Variants in DLG2 observed in about 807,000 individuals in gnomAD.
DLG2 encodes discs large MAGUK scaffold protein 2.
In DLG2, 45 loss-of-function variants were observed where a neutral mutation model predicts 132.5. The ratio of observed to expected loss-of-function variants is 0.34; its 90% CI spans 0.27 to 0.44. The LOEUF is 0.44. Ranked by LOEUF, DLG2 falls within the 20% of genes least tolerant of loss-of-function variation. The pLI is 1.00. For missense variants in DLG2, 1,045 were observed against 1,196.9 expected (o/e 0.87, Z 1.87); for synonymous variants, 424 against 419.6 (o/e 1.01, Z -0.13).
intron 6 of DLG2, among the ~76,000 whole-genome samples, chr11:84,711,326 C>A: frequency 3.0e-5 from 3 of 99,190 alleles, no homozygotes; most frequent in African/African-American, 3.7e-5. Context: ...GAAACAGAAC[C>A]AGTAAGAGAG....
At chr11:85,320,592 T>G (rs1286431222) in intron 3 of DLG2, among the ~76,000 whole-genome samples, 1 of 151,250 alleles carries the variant, frequency 6.6e-6, no homozygotes, top group Non-Finnish European at 1.5e-5. Flanking sequence ...TAGTGACAAG[T>G]GCTCTGGAGA....
chr11:83,975,602 T>A (rs976042563), intron 12 of DLG2, among the ~76,000 whole-genome samples: 4 of 151,940 alleles, frequency 2.6e-5, no homozygotes, highest in Non-Finnish European at 4.4e-5. Context: ...ATGGAATTTT[T>A]AAAGTAGGAA....
At chr11:84,359,283 T>A (rs181439364) in intron 7 of DLG2, among the ~76,000 whole-genome samples, 214 of 151,986 alleles carry the variant, frequency 1.4e-3, no homozygotes, top group South Asian at 2.5e-3. Context: ...AATCTGTAAC[T>A]CCCTGGTTGT....
chr11:84,561,321 A>G (rs1213915137), intron 6 of DLG2, among the ~76,000 whole-genome samples: 1 of 152,114 alleles, frequency 6.6e-6, no homozygotes, highest in Non-Finnish European at 1.5e-5. Context: ...GATGCCATCA[A>G]GCCATAGCCT....
At chr11:83,720,834 G>A (rs2088328765) in intron 18 of DLG2, 1 of 148,032 alleles carries the variant, frequency 6.8e-6, no homozygotes, top group African/African-American at 2.5e-5. Context: ...CACCAGGTCT[G>A]AATAGCCCTT....
At chr11:84,490,648 G>GAAAA (rs1567769836) in intron 7 of DLG2, among the ~76,000 whole-genome samples, 1 of 99,198 alleles carries the variant, frequency 1.0e-5, no homozygotes, top group Admixed American at 1.1e-4. Flanking sequence ...ACATATATGA[G>GAAAA]CAAAAAAAAA....
intron 8 of DLG2, among the ~76,000 whole-genome samples, chr11:84,244,422 T>A (rs1050794549): frequency 6.6e-6 from 1 of 152,090 alleles, no homozygotes; most frequent in Non-Finnish European, 1.5e-5. Context: ...CTGACCTCAG[T>A]TGATCCACCC....
intron 6 of DLG2, among the ~76,000 whole-genome samples, chr11:85,099,631 A>C (rs998816856): frequency 1.3e-5 from 2 of 152,196 alleles, no homozygotes; most frequent in African/African-American, 4.8e-5. Flanking sequence ...TTTCTTAAAG[A>C]GACATAAGCA....
At chr11:84,086,487 CT>C (rs2096983102) in intron 10 of DLG2, among the ~76,000 whole-genome samples, 2 of 117,000 alleles carry the variant, frequency 1.7e-5, no homozygotes, top group Non-Finnish European at 3.4e-5. Context: ...CTTTTTCTTT[CT>C]TTCTTTTTTT....
chr11:84,784,273 T>C (rs963920308), intron 6 of DLG2, among the ~76,000 whole-genome samples: 5 of 145,884 alleles, frequency 3.4e-5, no homozygotes, highest in East Asian at 2.0e-4. Flanking sequence ...TGAGCCGAGA[T>C]TGCACCATTG....
chr11:84,441,893 G>C (rs7119944), intron 7 of DLG2, among the ~76,000 whole-genome samples: 7,375 of 152,190 alleles, frequency 0.048, 525 homozygotes, highest in African/African-American at 0.15. Flanking sequence ...CCCATTGCTT[G>C]TTTTTGTCAG....
At chr11:85,176,216 C>T (rs1042286254) in intron 4 of DLG2, among the ~76,000 whole-genome samples, 1 of 152,126 alleles carries the variant, frequency 6.6e-6, no homozygotes, top group East Asian at 1.9e-4. Flanking sequence ...TCAAACTATA[C>T]TACAGGGCTA....
At chr11:84,923,107 T>C (rs750235802) in intron 6 of DLG2, 32 of 1,613,780 alleles carry the variant, frequency 2.0e-5, no homozygotes, top group African/African-American at 2.7e-5. Flanking sequence ...CACAGTAACA[T>C]GCAAAGAACA....
intron 4 of DLG2, among the ~76,000 whole-genome samples, chr11:85,181,412 G>A (rs2079694499): frequency 6.6e-6 from 1 of 151,600 alleles, no homozygotes; most frequent in Non-Finnish European, 1.5e-5. Flanking sequence ...CTATGAATTG[G>A]AGATGGAGTT....
intron 3 of DLG2, among the ~76,000 whole-genome samples, chr11:85,475,851 C>T (rs1030201820): frequency 2.0e-5 from 3 of 152,112 alleles, no homozygotes; most frequent in African/African-American, 7.2e-5. Flanking sequence ...CTGATTTCAA[C>T]ATCCATGCTC....
In DLG2 at chr11:84,772,667, G is replaced by C. The variant is rs141586791; in HGVS notation, c.358-237936C>G. Among the ~76,000 whole-genome samples the C allele has an allele frequency of 2.8e-3, 429 of 152,154 alleles. 2 individuals are homozygous for C. Among genetic ancestry groups the C allele is most frequent in the South Asian group, 4.6e-3 (22 of 4,812 alleles). ...ACTCTCAAGACCACACAATTACATGGAAATTAAACAAGTCACTCCTGAATG... is the reference window on the plus strand; with the variant it reads ...ACTCTCAAGACCACACAATTACATGCAAATTAAACAAGTCACTCCTGAATG... On this transcript the variant is annotated intron_variant, in intron 6 of 27. Coordinates refer to ENST00000376104, the MANE Select transcript of DLG2 (RefSeq NM_001142699.3).
rs372938805 is a variant in DLG2 at position 83,593,212 on chromosome 11, T to C, written c.1940+39999A>G. Among the ~76,000 whole-genome samples the C allele has an allele frequency of 3.7e-3, 535 of 146,050 alleles. 3 individuals are homozygous for C. Among genetic ancestry groups the C allele is most frequent in the African/African-American group, 0.013 (506 of 39,272 alleles). ...ATGCACACGTATGTTTATTGCGGCATTATTCACAATAGCAAAGACTTGGAA... is the reference window on the plus strand; with the variant it reads ...ATGCACACGTATGTTTATTGCGGCACTATTCACAATAGCAAAGACTTGGAA... On this transcript the variant is annotated intron_variant, in intron 19 of 27. Transcript: ENST00000376104.
intron 6 of DLG2, among the ~76,000 whole-genome samples, chr11:84,613,262 TA>T (rs1446916662): frequency 6.6e-6 from 1 of 152,114 alleles, no homozygotes; most frequent in Non-Finnish European, 1.5e-5. Context: ...TGAGATAGTT[TA>T]AAAACACCAG....
At chr11:83,696,041 A>C (rs2081877881) in intron 18 of DLG2, among the ~76,000 whole-genome samples, 1 of 152,158 alleles carries the variant, frequency 6.6e-6, no homozygotes, top group East Asian at 1.9e-4. Context: ...AGCCTCTGTA[A>C]GACTTTAAAC....
Sources: gnomAD v4.1 joint callset for allele counts (sites outside exome capture counted in the v4.1 genomes callset) on GRCh38, gnomAD v4.1.1 for gene constraint, MANE v1.5 for transcripts, NCBI Gene and HGNC (gene_info 2026-07-23, HGNC 2026-07-21) for gene names.